PTPRD: variants seen among roughly 807,000 people sequenced by gnomAD.
PTPRD encodes receptor-type tyrosine-protein phosphatase delta.
In PTPRD, 34 loss-of-function variants were observed where a neutral mutation model predicts 214.5. That is an observed-to-expected ratio of 0.16 (90% confidence interval 0.12 to 0.21). The LOEUF (loss-of-function observed/expected upper bound fraction) is 0.21. PTPRD is among the 10% of genes least tolerant of loss of function. The probability of loss-of-function intolerance (pLI) is 1.00; values close to 1 mark genes in which losing one functional copy is unlikely to be tolerated. For missense variants in PTPRD, 2,545 were observed against 2,398.7 expected, an observed-to-expected ratio of 1.06 and a Z score of -1.27; for synonymous variants, 1,128 against 845.7, an observed-to-expected ratio of 1.33 and a Z score of -5.79.
chr9:9,017,817 A>G (rs1235147460), intron 11 of PTPRD, among the ~76,000 whole-genome samples: 4 of 152,162 alleles, frequency 2.6e-5, no homozygotes, highest in Admixed American at 2.0e-4. Flanking sequence ...AAATTGTCAA[A>G]TAAGTGAAAA....
intron 33 of PTPRD, among the ~76,000 whole-genome samples, chr9:8,455,553 T>C (rs902072512): frequency 3.3e-5 from 5 of 152,292 alleles, no homozygotes; most frequent in South Asian, 2.1e-4. Context: ...ATGAAATATA[T>C]ACCCAAGTGG....
At chr9:10,006,485 T>A (rs1192591088) in intron 4 of PTPRD, among the ~76,000 whole-genome samples, 1 of 151,998 alleles carries the variant, frequency 6.6e-6, no homozygotes, top group Non-Finnish European at 1.5e-5. Flanking sequence ...ATCCTCCCAA[T>A]GTTAGAATAA....
intron 3 of PTPRD, among the ~76,000 whole-genome samples, chr9:10,101,221 C>T (rs1043383698): frequency 4.6e-5 from 7 of 151,438 alleles, no homozygotes; most frequent in African/African-American, 1.7e-4. Context: ...GCCTAGAAAG[C>T]AAGTAAAAGT....
chr9:9,280,585 T>A (rs1947325705), intron 9 of PTPRD, among the ~76,000 whole-genome samples: 1 of 150,958 alleles, frequency 6.6e-6, no homozygotes, highest in African/African-American at 2.4e-5. Flanking sequence ...ATGTATAAGA[T>A]CCATATCAGG....
chr9:8,436,533 T>C, intron 35 of PTPRD, 59 bp downstream of exon 35: 2 of 1,326,190 alleles, frequency 1.5e-6, no homozygotes, highest in Non-Finnish European at 2.2e-6. Flanking sequence ...AAGAATATGG[T>C]CAAAAAAAGA....
intron 3 of PTPRD, among the ~76,000 whole-genome samples, chr9:10,077,673 T>C (rs1337096038): frequency 6.6e-6 from 1 of 152,100 alleles, no homozygotes; most frequent in African/African-American, 2.4e-5. Context: ...TAGGCACCCA[T>C]GTCTGTTGTT....
chr9:10,312,417 A>G (rs906291453), intron 3 of PTPRD, among the ~76,000 whole-genome samples: 11 of 151,988 alleles, frequency 7.2e-5, no homozygotes, highest in Non-Finnish European at 1.5e-4. Flanking sequence ...GATTACTACT[A>G]ACATGAAGTA....
At chr9:10,332,504 C>A (rs1225381657) in intron 3 of PTPRD, among the ~76,000 whole-genome samples, 3 of 151,648 alleles carry the variant, frequency 2.0e-5, no homozygotes, top group Admixed American at 2.0e-4. Flanking sequence ...ACTTTCGAAC[C>A]CATATGTCTC....
chr9:10,047,604 T>G (rs571806128), intron 3 of PTPRD, among the ~76,000 whole-genome samples: 1 of 152,022 alleles, frequency 6.6e-6, no homozygotes, highest in Non-Finnish European at 1.5e-5. Context: ...GGCTCCAACA[T>G]TTATACCCCT....
At chr9:8,657,846 C>G (rs1025627823) in intron 12 of PTPRD, among the ~76,000 whole-genome samples, 6 of 152,166 alleles carry the variant, frequency 3.9e-5, no homozygotes, top group African/African-American at 1.4e-4. Flanking sequence ...TCTAACTAAA[C>G]TGACTTATTT....
intron 39 of PTPRD, among the ~76,000 whole-genome samples, chr9:8,345,574 G>A (rs948583780): frequency 1.1e-4 from 17 of 151,884 alleles, no homozygotes; most frequent in African/African-American, 4.1e-4. Context: ...TACTCCCTTG[G>A]GGTTAATGGT....
intron 14 of PTPRD, among the ~76,000 whole-genome samples, chr9:8,623,126 G>A (rs1423178308): frequency 6.6e-6 from 1 of 151,794 alleles, no homozygotes; most frequent in Admixed American, 6.6e-5. Context: ...ATTCCAGCCT[G>A]GATGACAAAG....
At chr9:8,772,264 G>A (rs1425321943) in intron 11 of PTPRD, among the ~76,000 whole-genome samples, 2 of 151,942 alleles carry the variant, frequency 1.3e-5, no homozygotes, top group Non-Finnish European at 2.9e-5. Flanking sequence ...TGTCTTGTTG[G>A]CTATTAACTC....
At chr9:9,709,976 C>A (rs1374241394) in intron 7 of PTPRD, among the ~76,000 whole-genome samples, 1 of 151,896 alleles carries the variant, frequency 6.6e-6, no homozygotes, top group South Asian at 2.1e-4. Flanking sequence ...AGTCTGAAGG[C>A]GCTATAGTTC....
chr9:10,201,223 A>G (rs939426499), intron 3 of PTPRD, among the ~76,000 whole-genome samples: 1 of 152,090 alleles, frequency 6.6e-6, no homozygotes, highest in African/African-American at 2.4e-5. Context: ...GAATGAACAT[A>G]GTATAAAAAG....
At chr9:9,217,963 A>C (rs148128264) in intron 9 of PTPRD, among the ~76,000 whole-genome samples, 396 of 152,248 alleles carry the variant, frequency 2.6e-3, no homozygotes, top group African/African-American at 9.2e-3. Flanking sequence ...GTTGCTAACA[A>C]AGCATGTTTT....
chr9:10,142,207 G>A (rs1332972440), intron 3 of PTPRD, among the ~76,000 whole-genome samples: 1 of 151,806 alleles, frequency 6.6e-6, no homozygotes, highest in Non-Finnish European at 1.5e-5. Flanking sequence ...TCAGGACATA[G>A]GCATGGGCAA....
intron 7 of PTPRD, among the ~76,000 whole-genome samples, chr9:9,710,975 C>CGT (rs35078738): frequency 0.01 from 1,495 of 149,476 alleles, 13 homozygotes; most frequent in African/African-American, 0.026. Context: ...CGAGAGAGAG[C>CGT]GTGTGTGTGT....
rs549515395 is a variant in PTPRD, at chr9:8,565,456, G to A, written c.353-36677C>T. 1.4e-4 allele frequency among the ~76,000 whole-genome samples: 21 copies of A among 152,212 alleles called. No individual in the cohort carries two copies. In the South Asian group the frequency reaches 1.5e-3, roughly 11 times the overall value. Reference sequence around the variant, plus strand: ...AAATGCTGCACATTGCATTAGACTCGAATTTGAAATGTAATTCCTATGCAT... The same window carrying A: ...AAATGCTGCACATTGCATTAGACTCAAATTTGAAATGTAATTCCTATGCAT... On this transcript the variant is annotated intron_variant, in intron 14 of 45. Coordinates refer to ENST00000381196, the MANE Select transcript of PTPRD (RefSeq NM_002839.4).
Sources: gnomAD v4.1 joint callset for allele counts (sites outside exome capture counted in the v4.1 genomes callset) on GRCh38, gnomAD v4.1.1 for gene constraint, MANE v1.5 for transcripts, NCBI Gene and HGNC (gene_info 2026-07-23, HGNC 2026-07-21) for gene names.